Variants in STPG2 observed in about 807,000 individuals in gnomAD.
The protein encoded by STPG2 is sperm tail PG-rich repeat containing 2.
STPG2 carries 56 observed loss-of-function variants against 54.2 expected under a neutral mutation model. The ratio of observed to expected loss-of-function variants is 1.03; its 90% CI spans 0.83 to 1.29. The LOEUF (loss-of-function observed/expected upper bound fraction) is 1.29, where lower values mean the gene tolerates loss of function less well. Among genes scored for constraint, STPG2 ranks in the 50% most tolerant of loss-of-function variants. The pLI is 0.00. For synonymous variants in STPG2, 200 were observed against 181.8 expected (o/e 1.10, Z -0.81); for missense variants, 596 against 544.9 (o/e 1.09, Z -0.93).
chr4:97,991,702 A>T (rs148205874), intron 5 of STPG2, among the ~76,000 whole-genome samples: 297 of 152,102 alleles, frequency 2.0e-3, no homozygotes, highest in African/African-American at 7.0e-3. Flanking sequence ...AGTGGTTTTA[A>T]TAGTTTATAT....
chr4:97,446,262 T>G (rs1381338182), intron 4 of STPG2, among the ~76,000 whole-genome samples: 1 of 152,160 alleles, frequency 6.6e-6, no homozygotes, highest in Non-Finnish European at 1.5e-5. Flanking sequence ...AAAACAGACT[T>G]TATAAAAATG....
intron 9 of STPG2, among the ~76,000 whole-genome samples, chr4:97,820,713 G>A (rs1728059799): frequency 6.6e-6 from 1 of 152,164 alleles, no homozygotes; most frequent in Non-Finnish European, 1.5e-5. Context: ...GGAGGTCTCA[G>A]GTAGTTTTAC....
rs1482391679 is a variant in STPG2, at chr4:97,851,675, G to A, written c.1045-10743C>T. Among the ~76,000 whole-genome samples, 7 of 152,112 alleles carry A rather than the reference G, an allele frequency of 4.6e-5. No individual in the cohort carries two copies. The South Asian group carries it at 6.2e-4, about 14-fold the overall frequency. On this transcript the variant is annotated intron_variant, in intron 8 of 10. Transcript: ENST00000295268. The stretch of plus-strand genomic sequence containing the variant: ...ATATGTCCATTAAAACCTTGATCAA[G>A]TACTAACTTTCACAAAATCATTACA...
At chr4:97,957,349 T>G (rs1427441103) in intron 7 of STPG2, among the ~76,000 whole-genome samples, 2 of 151,602 alleles carry the variant, frequency 1.3e-5, no homozygotes, top group Non-Finnish European at 2.9e-5. Flanking sequence ...GAAGACAATG[T>G]TTTTTAATTC....
At chr4:97,736,615 G>A (rs1221697351) in intron 9 of STPG2, among the ~76,000 whole-genome samples, 2 of 152,162 alleles carry the variant, frequency 1.3e-5, no homozygotes, top group Non-Finnish European at 2.9e-5. Context: ...TGCTAGCACA[G>A]CAGCCTGAGA....
intron 5 of STPG2, among the ~76,000 whole-genome samples, chr4:98,100,683 T>G (rs918215992): frequency 8.9e-5 from 13 of 146,408 alleles, no homozygotes; most frequent in Admixed American, 2.0e-4. Flanking sequence ...TTTTTTTTTT[T>G]TTTTGTTTTT....
chr4:97,522,060 T>C (rs1261720162), intron 4 of STPG2, among the ~76,000 whole-genome samples: 2 of 141,614 alleles, frequency 1.4e-5, no homozygotes, highest in South Asian at 5.0e-4. Context: ...TTTTGCTATT[T>C]CCTATAATCC....
At chr4:97,455,889 T>G (rs944752781) in intron 4 of STPG2, among the ~76,000 whole-genome samples, 1 of 151,938 alleles carries the variant, frequency 6.6e-6, no homozygotes, top group Non-Finnish European at 1.5e-5. Flanking sequence ...CCATCTACAT[T>G]CTCCTCCCAG....
intron 10 of STPG2, among the ~76,000 whole-genome samples, chr4:97,592,137 T>A (rs966688793): frequency 5.9e-5 from 9 of 152,108 alleles, no homozygotes; most frequent in Non-Finnish European, 1.3e-4. Flanking sequence ...ATAAATATAA[T>A]TAACACTTAA....
chr4:97,825,700 G>A (rs1158279563), intron 9 of STPG2, among the ~76,000 whole-genome samples: 1 of 152,054 alleles, frequency 6.6e-6, no homozygotes, highest in Non-Finnish European at 1.5e-5. Context: ...TGAATCTTTT[G>A]TCTGTCTGGG....
chr4:97,880,116 C>T (rs1219473400), intron 8 of STPG2, among the ~76,000 whole-genome samples: 4 of 152,024 alleles, frequency 2.6e-5, no homozygotes, highest in Non-Finnish European at 5.9e-5. Flanking sequence ...TACCGTACAG[C>T]CTTCTAAAAG....
Position 98,051,324 on chromosome 4 carries a change from G to A in STPG2, c.612+54629C>T, listed in dbSNP as rs547608152. Among the ~76,000 whole-genome samples the A allele has an allele frequency of 1.8e-3, 273 of 152,224 alleles. 2 individuals carry two copies. Among genetic ancestry groups the A allele is most frequent in the African/African-American group, 6.1e-3 (255 of 41,548 alleles). ...TTTTTTTCTAGCACAGAAGAAAAAC[G>A]ATCACAAAATGAAGGTTTTTATGGT... On this transcript the variant is annotated intron_variant, in intron 5 of 10. Transcript: ENST00000295268.
At chr4:97,780,900 C>T (rs1726579985) in intron 9 of STPG2, among the ~76,000 whole-genome samples, 1 of 151,982 alleles carries the variant, frequency 6.6e-6, no homozygotes, top group African/African-American at 2.4e-5. Flanking sequence ...AAAGACACAA[C>T]ATACCAGAAT....
At position 98,076,783 on chromosome 4, in the gene STPG2, A is replaced by C. The variant is rs546154295; in HGVS notation, c.612+29170T>G. On this transcript the variant is annotated intron_variant, in intron 5 of 10. Transcript: ENST00000295268. Reference sequence around the variant, plus strand: ...TCTTATTCCAAATTACAACTTCACTATATGTTTAAAGAAAGGATACAATTT... The same window carrying C: ...TCTTATTCCAAATTACAACTTCACTCTATGTTTAAAGAAAGGATACAATTT... 2.6e-5 allele frequency among the ~76,000 whole-genome samples: 4 copies of C among 152,302 alleles called. No individual in the cohort carries two copies. The South Asian group carries it at 8.3e-4, about 32-fold the overall frequency.
chr4:97,509,463 A>G (rs1192350030), intron 4 of STPG2, among the ~76,000 whole-genome samples: 1 of 152,136 alleles, frequency 6.6e-6, no homozygotes, highest in African/African-American at 2.4e-5. Flanking sequence ...ACCATAAAGA[A>G]CAGTGAAGTT....
At chr4:97,777,408 C>T (rs1454960317) in intron 9 of STPG2, among the ~76,000 whole-genome samples, 1 of 152,160 alleles carries the variant, frequency 6.6e-6, no homozygotes, top group Admixed American at 6.5e-5. Context: ...TTTAAGCATG[C>T]CTCCCAGGCA....
At chr4:97,482,601 A>G (rs1730250281) in intron 4 of STPG2, among the ~76,000 whole-genome samples, 1 of 151,708 alleles carries the variant, frequency 6.6e-6, no homozygotes, top group South Asian at 2.1e-4. Context: ...TTCCAGAGGA[A>G]GGAGAGAAAT....
chr4:97,502,959 C>T (rs539401370), intron 4 of STPG2, among the ~76,000 whole-genome samples: 7 of 152,046 alleles, frequency 4.6e-5, no homozygotes, highest in African/African-American at 1.2e-4. Context: ...TCCATTAATA[C>T]ATTGAGGATA....
At chr4:97,619,277 C>T (rs576373985) in intron 10 of STPG2, among the ~76,000 whole-genome samples, 106 of 151,644 alleles carry the variant, frequency 7.0e-4, no homozygotes, top group African/African-American at 2.5e-3. Flanking sequence ...GTATTTAATG[C>T]CTATTATCTG....
Sources: allele counts gnomAD v4.1 joint callset (sites outside exome capture counted in the v4.1 genomes callset), GRCh38; gene constraint gnomAD v4.1.1; transcripts MANE v1.5; gene names NCBI Gene and HGNC (gene_info 2026-07-23, HGNC 2026-07-21).